DNM2: variants seen among roughly 807,000 people sequenced by gnomAD.
DNM2 encodes dynamin 2, also known as dynamin-2.
In DNM2, 15 loss-of-function variants were observed where a neutral mutation model predicts 99.0. That is an observed-to-expected ratio of 0.15 (90% CI 0.10 to 0.23). DNM2 has a LOEUF of 0.23. Among genes scored for constraint, DNM2 ranks in the 10% least tolerant of loss-of-function variants. The pLI, the probability that DNM2 is intolerant of heterozygous loss-of-function variation, is 1.00. For synonymous variants in DNM2, 525 were observed against 481.2 expected, an observed-to-expected ratio of 1.09 and a Z score of -1.19; for missense variants, 742 against 1,189.4, an observed-to-expected ratio of 0.62 and a Z score of 5.53.
chr19:10,730,796 T>C (rs1529744), intron 1 of DNM2, among the ~76,000 whole-genome samples: 115,302 of 152,144 alleles, frequency 0.76, 44,410 homozygotes, highest in African/African-American at 0.89. Flanking sequence ...TATGGCAACC[T>C]GCGGGGTGCC....
chr19:10,745,874 C>T (rs760839580), intron 1 of DNM2, among the ~76,000 whole-genome samples: 11 of 152,202 alleles, frequency 7.2e-5, no homozygotes, highest in Non-Finnish European at 1.2e-4. Flanking sequence ...TGTGGAAATA[C>T]TTGGAGGAGA....
chr19:10,768,358 G>A (rs193261083), intron 2 of DNM2, among the ~76,000 whole-genome samples: 3 of 152,234 alleles, frequency 2.0e-5, no homozygotes, highest in Non-Finnish European at 4.4e-5. Flanking sequence ...GGAGGCTAAG[G>A]TAGGAGAATG....
At chr19:10,766,971 G>T (rs1220992874) in intron 2 of DNM2, among the ~76,000 whole-genome samples, 1 of 152,146 alleles carries the variant, frequency 6.6e-6, no homozygotes, top group Admixed American at 6.6e-5. Context: ...GACAGTGGGG[G>T]TGTGTGTGGA....
chr19:10,746,671 C>T (rs2069983758), intron 1 of DNM2, among the ~76,000 whole-genome samples: 1 of 150,546 alleles, frequency 6.6e-6, no homozygotes, highest in South Asian at 2.1e-4. Context: ...CTACCTGCCT[C>T]GGTCTCCCAA....
chr19:10,765,342 G>A lies in DNM2; in HGVS notation c.235+5531G>A, dbSNP rs1435224471. Among the ~76,000 whole-genome samples, 1 of 152,242 alleles carries A rather than the reference G, an allele frequency of 6.6e-6. No homozygotes were observed. The highest frequency in any genetic ancestry group is 2.4e-5 in the African/African-American group (1 of 41,472). On this transcript the variant is annotated intron_variant, in intron 2 of 20. Coordinates refer to ENST00000389253, the MANE Select transcript of DNM2 (RefSeq NM_001005361.3). The surrounding 1 kb of genome is among the most constrained non-coding windows in gnomAD (Gnocchi z 4.4). ...TCTGCCCAGCACAGGGCCTGGCGCCGAGCAGGTGCTCCGCATGCACGGCCG... is the reference window on the plus strand; with the variant it reads ...TCTGCCCAGCACAGGGCCTGGCGCCAAGCAGGTGCTCCGCATGCACGGCCG...
chr19:10,816,082 C>G lies in DNM2; in HGVS notation c.1671+3705C>G, dbSNP rs929655325. Among the ~76,000 whole-genome samples the G allele has an allele frequency of 6.6e-6, 1 of 152,138 alleles. No individual in the cohort carries two copies. The highest frequency in any genetic ancestry group is 2.4e-5 in the African/African-American group (1 of 41,434). ...TCTGTGGTCACCCCCATCTAAGGCT[C>G]TGAGCGGTGACTTGCCCCACATCAT... On this transcript the variant is annotated intron_variant, in intron 15 of 20. Transcript: ENST00000389253. This position sits in a 1 kb window ranked among gnomAD's most constrained non-coding sequence, Gnocchi z 4.6.
rs946792072 is a variant in DNM2 at position 10,812,249 on chromosome 19, C to T, written c.1558-15C>T. 12 of 1,577,340 alleles carry T rather than the reference C, an allele frequency of 7.6e-6. No individual in the cohort carries two copies. In the African/African-American group the frequency reaches 9.4e-5, roughly 12 times the overall value. On this transcript the variant is annotated splice_polypyrimidine_tract_variant and intron_variant, in intron 14 of 20. Transcript: ENST00000389253. The surrounding 1 kb of genome is among the most constrained non-coding windows in gnomAD (Gnocchi z 4.0). Reference sequence around the variant, plus strand: ...CGGAGCGAGGTTCCCTGCTAAGCTGCGCGCTTTCCCCCAGGTGATCCGCAG... The same window carrying T: ...CGGAGCGAGGTTCCCTGCTAAGCTGTGCGCTTTCCCCCAGGTGATCCGCAG...
intron 1 of DNM2, among the ~76,000 whole-genome samples, chr19:10,757,501 G>C (rs140436201): frequency 6.6e-6 from 1 of 152,326 alleles, no homozygotes; most frequent in African/African-American, 2.4e-5. Context: ...CCACCTGCCA[G>C]CTGGGAATGA....
chr19:10,748,168 G>A (rs1385855882), intron 1 of DNM2, among the ~76,000 whole-genome samples: 1 of 152,154 alleles, frequency 6.6e-6, no homozygotes, highest in Non-Finnish European at 1.5e-5. Context: ...ATAACAAAGG[G>A]GTTTACAGTG....
Position 10,720,204 on chromosome 19 carries a change from A to AT in DNM2, c.161+1804dup, listed in dbSNP as rs1208064578. On this transcript the variant is annotated intron_variant, in intron 1 of 20. Transcript: ENST00000389253. The stretch of plus-strand genomic sequence containing the variant: ...CTCCTAAACAAGTTTATTTTATTTT[A>AT]TTTATTTATTTATTTTTTTTTTTTT... Among the ~76,000 whole-genome samples the AT allele has an allele frequency of 1.5e-4, 22 of 142,968 alleles. No individual in the cohort carries two copies. In the South Asian group the frequency reaches 3.1e-3, roughly 20 times the overall value. The allele number at this position is 142,968 out of a possible 152,430, so 93.8% of individuals were successfully genotyped here.
chr19:10,737,841 A>G (rs577352755), intron 1 of DNM2, among the ~76,000 whole-genome samples: 1 of 152,288 alleles, frequency 6.6e-6, no homozygotes, highest in African/African-American at 2.4e-5. Context: ...GCCCCATGGT[A>G]GGGCGGTGCC....
chr19:10,741,794 A>G (rs988183726), intron 1 of DNM2, among the ~76,000 whole-genome samples: 1 of 142,510 alleles, frequency 7.0e-6, no homozygotes, highest in African/African-American at 2.6e-5. Context: ...CTTGTGATCC[A>G]CCCGCCTCTG....
intron 1 of DNM2, chr19:10,759,494 G>A (rs184347251): frequency 1.0e-5 from 6 of 581,310 alleles, no homozygotes; most frequent in African/African-American, 7.5e-5. Flanking sequence ...AGTACGGGGG[G>A]TGGGGCACAG....
chr19:10,824,292 A>G (rs1158259738), intron 17 of DNM2: 1 of 277,606 alleles, frequency 3.6e-6, no homozygotes, highest in Non-Finnish European at 7.1e-6. Flanking sequence ...ATTTGAGCTC[A>G]GGGGTTCGAA....
rs763211821 is a variant in DNM2 at position 10,805,902 on chromosome 19, T to C, written c.1494-14T>C. The C allele has an allele frequency of 1.4e-5, 22 of 1,614,070 alleles. No homozygotes were observed. The Admixed American group carries it at 1.5e-4, about 11-fold the overall frequency. Reference sequence around the variant, plus strand: ...ATCTTGTCCACGTGAACCCTGTCTGTTCTTTGGTTTCAGTGCCCAGCAGAG... The same window carrying C: ...ATCTTGTCCACGTGAACCCTGTCTGCTCTTTGGTTTCAGTGCCCAGCAGAG... On this transcript the variant is annotated splice_polypyrimidine_tract_variant and intron_variant, in intron 12 of 20. Transcript: ENST00000389253.
intron 1 of DNM2, among the ~76,000 whole-genome samples, chr19:10,734,555 C>T (rs769128213): frequency 6.9e-6 from 1 of 144,316 alleles, no homozygotes; most frequent in African/African-American, 2.6e-5. Flanking sequence ...AGGAGGATCA[C>T]TTGAGCCCTG....
chr19:10,775,653 G>A lies in DNM2; in HGVS notation c.386-50G>A. On this transcript the variant is annotated intron_variant, in intron 3 of 20. Transcript: ENST00000389253. This position sits in a 1 kb window ranked among gnomAD's most constrained non-coding sequence, Gnocchi z 4.3. Reference sequence around the variant, plus strand: ...GCTGGGTGGCTGCGGGCCTGTTTGTGCCTCCCCTCTCCTGGCTCTGAATGC... The same window carrying A: ...GCTGGGTGGCTGCGGGCCTGTTTGTACCTCCCCTCTCCTGGCTCTGAATGC... The A allele has an allele frequency of 6.2e-7, 1 of 1,609,600 alleles. No individual in the cohort carries two copies. Among genetic ancestry groups the A allele is most frequent in the South Asian group, 1.1e-5 (1 of 90,864 alleles).
At chr19:10,727,366 C>CT (rs2069149104) in intron 1 of DNM2, among the ~76,000 whole-genome samples, 1 of 151,594 alleles carries the variant, frequency 6.6e-6, no homozygotes, top group Admixed American at 6.6e-5. Context: ...TTTTCTTTTT[C>CT]TTTTTTTGTT....
At chr19:10,825,287 C>G in intron 18 of DNM2, 66 bp downstream of exon 18, 1 of 1,601,042 alleles carries the variant, frequency 6.2e-7, no homozygotes, top group Non-Finnish European at 8.5e-7. Context: ...GTAATCCCAG[C>G]ACTTTGGGAG....
Sources: gnomAD v4.1 joint callset for allele counts (sites outside exome capture counted in the v4.1 genomes callset) on GRCh38, gnomAD v4.1.1 for gene constraint, Gnocchi (gnomAD v3.1) non-coding constraint, MANE v1.5 for transcripts, NCBI Gene and HGNC (gene_info 2026-07-23, HGNC 2026-07-21) for gene names.